The following RSPH3 variants were observed in gnomAD, a reference collection of about 807,000 sequenced individuals.
RSPH3 encodes radial spoke head 3.
In RSPH3, 21 loss-of-function variants were observed where a neutral mutation model predicts 43.8. The observed-to-expected ratio is 0.48, with a 90% CI of 0.34 to 0.69. The LOEUF (loss-of-function observed/expected upper bound fraction) is 0.69, where lower values mean the gene tolerates loss of function less well. Among genes scored for constraint, RSPH3 ranks in the 30% least tolerant of loss-of-function variants. The probability of loss-of-function intolerance (pLI) is 0.01; values close to 1 mark genes in which losing one functional copy is unlikely to be tolerated. For synonymous variants in RSPH3, 173 were observed against 179.8 expected (o/e 0.96, Z 0.30); for missense variants, 487 against 516.0 (o/e 0.94, Z 0.54).
downstream of RSPH3, among the ~76,000 whole-genome samples, chr6:158,967,892 A>G (rs1777647021): frequency 6.6e-6 from 1 of 152,132 alleles, no homozygotes; most frequent in African/African-American, 2.4e-5. Flanking sequence ...TAGCTACCCC[A>G]GCTCTTTTTT....
At chr6:158,982,257 G>C (rs1778056643) in intron 5 of RSPH3, among the ~76,000 whole-genome samples, 1 of 152,024 alleles carries the variant, frequency 6.6e-6, no homozygotes, top group Non-Finnish European at 1.5e-5. Flanking sequence ...AGAAACTTTT[G>C]GAAACTCAAT....
intron 2 of RSPH3, among the ~76,000 whole-genome samples, chr6:158,986,988 T>C (rs950392903): frequency 1.4e-4 from 21 of 152,236 alleles, no homozygotes; most frequent in African/African-American, 4.6e-4. Context: ...ATAGGTCTAG[T>C]GTGAAGTTTA....
Position 158,984,437 on chromosome 6 carries a change from TATATATATATATA to T in RSPH3, c.347-643_347-631del, listed in dbSNP as rs1778149714. On this transcript the variant is annotated intron_variant, in intron 3 of 7. Coordinates refer to ENST00000367069, the MANE Select transcript of RSPH3 (RefSeq NM_031924.8). ...ACAACAGTGGATAAAAAGTCAATTA[TATATATATATATA>T]TATATATATATATATATATATATAT... Among the ~76,000 whole-genome samples the T allele has an allele frequency of 4.4e-4, 22 of 49,482 alleles. 2 individuals are homozygous for T. The East Asian group carries it at 7.3e-3, about 16-fold the overall frequency. 32.5% of individuals were successfully genotyped at this position (49,482 alleles called of 152,430 possible).
intron 4 of RSPH3, 87 bp downstream of exon 4, chr6:158,983,575 G>T: frequency 1.1e-6 from 1 of 935,680 alleles, no homozygotes; most frequent in South Asian, 1.3e-5. Context: ...ATTGTGAAGT[G>T]GTTCTTGCTC....
In RSPH3 at chr6:158,980,837, G is replaced by A; in HGVS notation, c.796C>T (p.Leu266Phe). Residue 266 changes from leucine (L) to phenylalanine (F), a missense_variant, in exon 6 of 8, where the codon CTT (leucine) becomes TTT (phenylalanine). Transcript: ENST00000367069. ...RAFAQRYLAD[L>F]LPSVFGSLRD... ...AGGCTGCCAAAAACAGACGGGAGAA[G>A]GTCAGCCAGGTAACGCTGTGCAAAT... 1.2e-6 allele frequency: 2 copies of A among 1,614,152 alleles called. No individual in the cohort carries two copies. The highest frequency in any genetic ancestry group is 1.7e-6 in the Non-Finnish European group (2 of 1,180,000).
At position 158,989,124 on chromosome 6, in the gene RSPH3, G is replaced by T. The variant is rs1778325871; in HGVS notation, c.205-2703C>A. On this transcript the variant is annotated intron_variant, in intron 2 of 7. Transcript: ENST00000367069. The surrounding 1 kb of genome is among the most constrained non-coding windows in gnomAD (Gnocchi z 4.3). ...TGCAGTGGTGTGATCTTGGCTCACT[G>T]CAACCTCTGCCTCCTGGGTTCAAGC... 6.6e-6 allele frequency among the ~76,000 whole-genome samples: 1 copy of T among 151,844 alleles called. No individual in the cohort carries two copies. The highest frequency in any genetic ancestry group is 1.5e-5 in the Non-Finnish European group (1 of 67,990).
At chr6:158,996,187 G>GT (rs1778588620) in intron 1 of RSPH3, among the ~76,000 whole-genome samples, 1 of 152,148 alleles carries the variant, frequency 6.6e-6, no homozygotes, top group Non-Finnish European at 1.5e-5. Flanking sequence ...CATTAAAAAT[G>GT]TTATTTTATT....
chr6:158,989,930 A>G lies in RSPH3; in HGVS notation c.205-3509T>C, dbSNP rs1583718423. ...GGCTGGGAAAGGCAGACCCACCCTTAATCGGGGTGGGCACAATCTAATCAA... is the reference window on the plus strand; with the variant it reads ...GGCTGGGAAAGGCAGACCCACCCTTGATCGGGGTGGGCACAATCTAATCAA... On this transcript the variant is annotated intron_variant, in intron 2 of 7. Coordinates refer to ENST00000367069, the MANE Select transcript of RSPH3 (RefSeq NM_031924.8). This position sits in a 1 kb window ranked among gnomAD's most constrained non-coding sequence, Gnocchi z 4.3. Among the ~76,000 whole-genome samples, 2 of 152,166 alleles carry G rather than the reference A, an allele frequency of 1.3e-5. No individual in the cohort carries two copies. The highest frequency in any genetic ancestry group is 6.5e-5 in the Admixed American group (1 of 15,276).
intron 6 of RSPH3, among the ~76,000 whole-genome samples, chr6:158,979,029 T>TA (rs2128605655): frequency 6.6e-6 from 1 of 152,188 alleles, no homozygotes; most frequent in East Asian, 1.9e-4. Flanking sequence ...GCCCAGGGCC[T>TA]AATGGAAGGA....
chr6:158,977,495 T>C lies in RSPH3; in HGVS notation c.*43A>G, dbSNP rs754694721. ...CGCACATCATTACCTGATTGCTTGC[T>C]GACTTGGCTGTTGATTGGTTTCATG... On this transcript the variant is annotated 3_prime_UTR_variant, in exon 8 of 8. Transcript: ENST00000367069. The C allele has an allele frequency of 1.3e-6, 2 of 1,530,970 alleles. No individual in the cohort carries two copies. The highest frequency in any genetic ancestry group is 4.5e-5 in the East Asian group (2 of 44,380). The allele number at this position is 1,530,970 out of a possible 1,614,324, so 94.8% of individuals were successfully genotyped here. A position where few individuals can be genotyped will look rare whatever the true frequency, so the allele number is the denominator to read the frequency against.
chr6:158,991,831 A>C (rs1237415594), intron 2 of RSPH3, among the ~76,000 whole-genome samples: 5 of 152,164 alleles, frequency 3.3e-5, no homozygotes, highest in Non-Finnish European at 5.9e-5. Context: ...TAAGTTAACC[A>C]TTGCTTCAGA....
At position 158,993,904 on chromosome 6, in the gene RSPH3, C is replaced by T; in HGVS notation, c.139G>A (p.Gly47Arg). 1 of 1,609,430 alleles carries T rather than the reference C, an allele frequency of 6.2e-7. No individual in the cohort carries two copies. Among genetic ancestry groups the T allele is most frequent in the Non-Finnish European group, 8.5e-7 (1 of 1,176,042 alleles). ...ACCCTTCTGTCATACATTATGTTTC[C>T]ATAATGCATAGGTTCTTCATCTCTG... ...TQPDEEPMHY[G>R]NIMYDRRVIR... Residue 47 changes from glycine (G) to arginine (R), a missense_variant, in exon 2 of 8, where the codon GGA becomes AGA. Transcript: ENST00000367069.
At chr6:158,966,337 G>A in the RSPH3 span, among the ~76,000 whole-genome samples, 1 of 152,068 alleles carries the variant, frequency 6.6e-6, no homozygotes, top group Non-Finnish European at 1.5e-5. Context: ...AGGGTAAACT[G>A]GTCTCACAGA....
Position 158,988,280 on chromosome 6 carries a change from T to C in RSPH3, c.205-1859A>G, listed in dbSNP as rs1275813578. ...AGATGGATTGGAGCTCCTTCATGTA[T>C]GCTATTTGCTTCTTTTCTCTTGCTG... On this transcript the variant is annotated intron_variant, in intron 2 of 7. Transcript: ENST00000367069. The C allele has an allele frequency of 2.0e-5, 3 of 152,462 alleles. No individual in the cohort carries two copies. The East Asian group carries it at 5.8e-4, about 29-fold the overall frequency. 9.4% of individuals were successfully genotyped at this position (152,462 alleles called of 1,614,324 possible). A position where few individuals can be genotyped will look rare whatever the true frequency, so the allele number is the denominator to read the frequency against.
At position 159,000,052 on chromosome 6, in the gene RSPH3, G is replaced by T; in HGVS notation, c.-502C>A. The T allele has an allele frequency of 7.0e-7, 1 of 1,420,402 alleles. No homozygotes were observed. Among genetic ancestry groups the T allele is most frequent in the Non-Finnish European group, 9.4e-7 (1 of 1,061,054 alleles). The allele number at this position is 1,420,402 out of a possible 1,614,324, so 88.0% of individuals were successfully genotyped here. A position where few individuals can be genotyped will look rare whatever the true frequency, so the allele number is the denominator to read the frequency against. On this transcript the variant is annotated 5_prime_UTR_variant, in exon 1 of 8. Coordinates refer to ENST00000367069, the MANE Select transcript of RSPH3 (RefSeq NM_031924.8). The stretch of plus-strand genomic sequence containing the variant: ...GTGGCTTTGCAGGGCTGGTGTTGGC[G>T]CCATTCTCGCAGGCCCACGTGCTCC...
At position 158,989,253 on chromosome 6, in the gene RSPH3, G is replaced by T. The variant is rs189834010; in HGVS notation, c.205-2832C>A. On this transcript the variant is annotated intron_variant, in intron 2 of 7. Coordinates refer to ENST00000367069, the MANE Select transcript of RSPH3 (RefSeq NM_031924.8). This position sits in a 1 kb window ranked among gnomAD's most constrained non-coding sequence, Gnocchi z 4.3. ...GTAGACGTGGGGTTTCATCATATTG[G>T]TCAGGCTGGTCTCGAACTAATGACC... Among the ~76,000 whole-genome samples the T allele has an allele frequency of 6.6e-6, 1 of 152,188 alleles. No individual in the cohort carries two copies. Among genetic ancestry groups the T allele is most frequent in the East Asian group, 1.9e-4 (1 of 5,174 alleles).
At chr6:158,978,444 A>G (rs1777923563) in intron 6 of RSPH3, 98 bp from the exon 7 acceptor site, 4 of 660,452 alleles carry the variant, frequency 6.1e-6, no homozygotes, top group Non-Finnish European at 1.1e-5. Flanking sequence ...TTCTTAATAT[A>G]AAATGTTAAG....
intron 1 of RSPH3, among the ~76,000 whole-genome samples, chr6:158,996,896 G>T (rs1392601091): frequency 6.6e-6 from 1 of 152,150 alleles, no homozygotes; most frequent in Non-Finnish European, 1.5e-5. Flanking sequence ...CCTAGTGGGA[G>T]GTGTTTGGAA....
chr6:158,997,271 C>CTTTTTTTT (rs35951023), intron 1 of RSPH3, among the ~76,000 whole-genome samples: 6 of 129,076 alleles, frequency 4.6e-5, no homozygotes, highest in Admixed American at 2.4e-4. Context: ...CTCCTGAACA[C>CTTTTTTTT]TTTTTTTTTT....
Sources: allele counts gnomAD v4.1 joint callset (sites outside exome capture counted in the v4.1 genomes callset), GRCh38; gene constraint gnomAD v4.1.1; non-coding constraint Gnocchi (gnomAD v3.1); transcripts MANE v1.5; gene names NCBI Gene and HGNC (gene_info 2026-07-23, HGNC 2026-07-21).